The following KIAA0825 variants were observed in gnomAD, a reference collection of about 807,000 sequenced individuals.
The protein encoded by KIAA0825 is KIAA0825, also known as uncharacterized protein KIAA0825.
KIAA0825 carries 119 observed loss-of-function variants against 147.6 expected under a neutral mutation model. That is an observed-to-expected ratio of 0.81 (90% confidence interval 0.69 to 0.94). The LOEUF is 0.94. KIAA0825 is among the 40% of genes least tolerant of loss of function. The pLI is 0.00. For synonymous variants in KIAA0825, 470 were observed against 518.1 expected (o/e 0.91, Z 1.26); for missense variants, 1,381 against 1,472.7 (o/e 0.94, Z 1.02).
intron 1 of KIAA0825, among the ~76,000 whole-genome samples, chr5:94,610,323 G>C (rs1432619203): frequency 3.3e-5 from 5 of 151,284 alleles, no homozygotes; most frequent in Non-Finnish European, 7.4e-5. Context: ...AGGAGGCTGA[G>C]ACAATGAGAA....
chr5:94,168,040 T>A (rs1768219282), intron 20 of KIAA0825, among the ~76,000 whole-genome samples: 1 of 149,630 alleles, frequency 6.7e-6, no homozygotes, highest in Non-Finnish European at 1.5e-5. Context: ...TATAATAAAA[T>A]ATATAGAAAT....
intron 2 of KIAA0825, among the ~76,000 whole-genome samples, chr5:94,565,017 T>C (rs1360984688): frequency 1.5e-5 from 2 of 135,850 alleles, no homozygotes; most frequent in Non-Finnish European, 3.1e-5. Context: ...TCCCTCTCTC[T>C]CTCTCTCTCT....
chr5:94,370,858 T>A (rs991948368), intron 20 of KIAA0825, among the ~76,000 whole-genome samples: 1 of 151,946 alleles, frequency 6.6e-6, no homozygotes, highest in African/African-American at 2.4e-5. Flanking sequence ...TGCAGTGAGC[T>A]GAGATCATGC....
chr5:94,485,321 T>C (rs1001993398), intron 5 of KIAA0825, among the ~76,000 whole-genome samples: 1 of 151,740 alleles, frequency 6.6e-6, no homozygotes, highest in African/African-American at 2.4e-5. Context: ...TAGTCTGTAC[T>C]TTGTGAGGAA....
chr5:94,612,032 CAT>C (rs1396792780), intron 1 of KIAA0825: 2 of 152,104 alleles, frequency 1.3e-5, no homozygotes, highest in Admixed American at 6.5e-5. Flanking sequence ...TGTTTAACCA[CAT>C]GATGCCAAAA....
At chr5:94,449,605 G>A (rs767317379) in intron 13 of KIAA0825, among the ~76,000 whole-genome samples, 13 of 152,060 alleles carry the variant, frequency 8.5e-5, no homozygotes, top group Admixed American at 3.3e-4. Context: ...TGAAGACATC[G>A]TATTGAATGA....
intron 20 of KIAA0825, among the ~76,000 whole-genome samples, chr5:94,192,921 G>A (rs1039504496): frequency 6.6e-6 from 1 of 152,114 alleles, no homozygotes; most frequent in Non-Finnish European, 1.5e-5. Flanking sequence ...TTTCTAGAAC[G>A]CAGTTCCCTT....
In KIAA0825 at chr5:94,384,383, A is replaced by G. The variant is rs1414842362; in HGVS notation, c.3695T>C (p.Val1232Ala). Reference sequence around the variant, plus strand: ...ATTTTATTACCTGTTTTTGAGCAGCACACTGAAGGTCATCTTATCCAGTCT... The same window carrying G: ...ATTTTATTACCTGTTTTTGAGCAGCGCACTGAAGGTCATCTTATCCAGTCT... ...YLRLDKMTFS[V>A]LLKNRWEMKK... Residue 1232 changes from valine (V) to alanine (A), a missense_variant, in exon 20 of 21, where the codon GTG (valine) becomes GCG (alanine). Physicochemically the swap from Val to Ala is moderately conservative, Grantham distance 64 (BLOSUM62 0). Coordinates refer to ENST00000682413, the MANE Select transcript of KIAA0825 (RefSeq NM_001145678.3). The G allele has an allele frequency of 1.3e-6, 2 of 1,551,882 alleles. No individual in the cohort carries two copies. The highest frequency in any genetic ancestry group is 3.9e-5 in the Admixed American group (2 of 51,002).
intron 5 of KIAA0825, among the ~76,000 whole-genome samples, chr5:94,511,035 G>A (rs1388658426): frequency 6.6e-6 from 1 of 152,108 alleles, no homozygotes; most frequent in East Asian, 1.9e-4. Flanking sequence ...TAGGTGATGG[G>A]AGCAGAGCCC....
chr5:94,516,720 G>GA (rs397998746), intron 5 of KIAA0825, among the ~76,000 whole-genome samples: 1 of 10 alleles, frequency 0.1, no homozygotes, highest in Non-Finnish European at 0.5. Context: ...GAACCCGGAA[G>GA]TGGAGCTTGC....
At chr5:94,332,912 G>T (rs1166213750) in intron 20 of KIAA0825, among the ~76,000 whole-genome samples, 1 of 151,998 alleles carries the variant, frequency 6.6e-6, no homozygotes, top group Non-Finnish European at 1.5e-5. Flanking sequence ...TTTGAAAACT[G>T]CCATTCTAAC....
rs1488990728 is a variant in KIAA0825 at position 94,151,403 on chromosome 5, G to A, written c.*2604C>T. Among the ~76,000 whole-genome samples the A allele has an allele frequency of 3.6e-5, 4 of 111,652 alleles. No individual in the cohort carries two copies. Among genetic ancestry groups the A allele is most frequent in the African/African-American group, 1.1e-4 (3 of 28,356 alleles). 73.2% of individuals were successfully genotyped at this position (111,652 alleles called of 152,430 possible). ...CTGCAGTCCGCAGTCCGGCCTGGGC[G>A]ACAGAGCGAGACTCCGTCTCAAAAA... On this transcript the variant is annotated 3_prime_UTR_variant, in exon 21 of 21. Transcript: ENST00000682413.
At chr5:94,611,546 A>G (rs769655897) in intron 1 of KIAA0825, among the ~76,000 whole-genome samples, 1 of 151,846 alleles carries the variant, frequency 6.6e-6, no homozygotes, top group Non-Finnish European at 1.5e-5. Context: ...GATCCTATGA[A>G]ACTATATTTT....
In KIAA0825 at chr5:94,152,819, A is replaced by AT. The variant is rs1766594669; in HGVS notation, c.*1187dup. ...AACAGAGCAAGACCCTGTTTCTAAA[A>AT]TGAAAAAAAAAAAAAAAAAAAAAAA... On this transcript the variant is annotated 3_prime_UTR_variant, in exon 21 of 21. Transcript: ENST00000682413. 1 of 42,370 alleles carries AT rather than the reference A, an allele frequency of 2.4e-5. No individual in the cohort carries two copies. The highest frequency in any genetic ancestry group is 8.7e-5 in the African/African-American group (1 of 11,442). 2.6% of individuals were successfully genotyped at this position (42,370 alleles called of 1,614,324 possible). A position where few individuals can be genotyped will look rare whatever the true frequency, so the allele number is the denominator to read the frequency against.
At chr5:94,192,720 A>G (rs140634407) in intron 20 of KIAA0825, among the ~76,000 whole-genome samples, 1 of 152,300 alleles carries the variant, frequency 6.6e-6, no homozygotes, top group East Asian at 1.9e-4. Flanking sequence ...GCATTAGTGA[A>G]GAAATGATAG....
At chr5:94,546,343 A>G (rs987070607) in intron 2 of KIAA0825, among the ~76,000 whole-genome samples, 5 of 152,142 alleles carry the variant, frequency 3.3e-5, no homozygotes, top group African/African-American at 1.2e-4. Flanking sequence ...CACCTGTTGT[A>G]TAGAGATTCC....
chr5:94,203,091 A>G (rs1771846378), intron 20 of KIAA0825, among the ~76,000 whole-genome samples: 1 of 152,258 alleles, frequency 6.6e-6, no homozygotes, highest in Admixed American at 6.5e-5. Context: ...TAATGGAACT[A>G]CAGAAACTTA....
At chr5:94,560,814 G>C (rs1222848983) in intron 2 of KIAA0825, among the ~76,000 whole-genome samples, 1 of 152,142 alleles carries the variant, frequency 6.6e-6, no homozygotes, top group African/African-American at 2.4e-5. Flanking sequence ...CTCACATCTT[G>C]TGGTATAATT....
chr5:94,302,113 AT>A (rs1778445838), intron 20 of KIAA0825, among the ~76,000 whole-genome samples: 1 of 152,114 alleles, frequency 6.6e-6, no homozygotes, highest in Admixed American at 6.6e-5. Context: ...AGTCATGCAG[AT>A]TGGAGTTGAC....
Sources: allele counts gnomAD v4.1 joint callset (sites outside exome capture counted in the v4.1 genomes callset), GRCh38; gene constraint gnomAD v4.1.1; transcripts MANE v1.5; gene names NCBI Gene and HGNC (gene_info 2026-07-23, HGNC 2026-07-21).